UBA6: variants seen among roughly 807,000 people sequenced by gnomAD.
UBA6 encodes the protein ubiquitin like modifier activating enzyme 6, also known as ubiquitin-like modifier-activating enzyme 6.
UBA6 carries 87 observed loss-of-function variants against 148.3 expected under a neutral mutation model. The ratio of observed to expected loss-of-function variants is 0.59; its 90% CI spans 0.49 to 0.70. The LOEUF (loss-of-function observed/expected upper bound fraction) is 0.70. UBA6 is among the 30% of genes least tolerant of loss of function. The pLI, the probability that UBA6 is intolerant of heterozygous loss-of-function variation, is 0.00. For missense variants in UBA6, 1,186 were observed against 1,241.2 expected (o/e 0.96, Z 0.67); for synonymous variants, 376 against 401.0 (o/e 0.94, Z 0.75).
At chr4:67,648,297 T>C (rs978659156) in intron 14 of UBA6, among the ~76,000 whole-genome samples, 36 of 151,060 alleles carry the variant, frequency 2.4e-4, no homozygotes, top group Non-Finnish European at 4.4e-4. Context: ...TGAAATCCCA[T>C]CTCTACTAAA....
chr4:67,694,897 GCTA>G (rs1173621419), intron 2 of UBA6, among the ~76,000 whole-genome samples: 1 of 152,132 alleles, frequency 6.6e-6, no homozygotes, highest in Non-Finnish European at 1.5e-5. Flanking sequence ...CATACCAAGT[GCTA>G]ACAGCTACAC....
chr4:67,636,309 G>A (rs1345914850), intron 19 of UBA6, among the ~76,000 whole-genome samples: 2 of 152,170 alleles, frequency 1.3e-5, no homozygotes, highest in African/African-American at 4.8e-5. Flanking sequence ...ATCACCATAG[G>A]AGGATTTAAT....
intron 7 of UBA6, among the ~76,000 whole-genome samples, chr4:67,672,816 G>T (rs567198174): frequency 8.5e-5 from 13 of 152,078 alleles, no homozygotes; most frequent in African/African-American, 3.1e-4. Context: ...TCATTACTCG[G>T]AGCCCTACTC....
At chr4:67,632,804 A>C (rs1440882162) in intron 23 of UBA6, among the ~76,000 whole-genome samples, 1 of 152,144 alleles carries the variant, frequency 6.6e-6, no homozygotes, top group East Asian at 1.9e-4. Context: ...CCAGACTGGA[A>C]AACATAGGGA....
intron 13 of UBA6, among the ~76,000 whole-genome samples, chr4:67,661,136 A>T (rs1729841317): frequency 1.3e-5 from 2 of 152,172 alleles, no homozygotes; most frequent in Non-Finnish European, 2.9e-5. Context: ...TGCCTTGCTC[A>T]GATAAGACTT....
intron 1 of UBA6, among the ~76,000 whole-genome samples, chr4:67,700,833 G>A (rs1001385777): frequency 6.6e-6 from 1 of 152,148 alleles, no homozygotes. Context: ...TCAAAGGTGC[G>A]GAAAGGGGAC....
At chr4:67,676,406 T>C (rs550537208) in intron 6 of UBA6, among the ~76,000 whole-genome samples, 90 of 152,316 alleles carry the variant, frequency 5.9e-4, no homozygotes, top group African/African-American at 2.1e-3. Flanking sequence ...TCTAAACCTA[T>C]GTGACAGCAC....
chr4:67,663,172 A>C lies in UBA6; in HGVS notation c.1004T>G (p.Phe335Cys). ...IHTAMLALDQ[F>C]QEKYSRKPNV... ...TGGCTTGCGACTGTATTTCTCCTGAAACTGGTCCAAGGCAAGCATAGCTGT... is the reference window on the plus strand; with the variant it reads ...TGGCTTGCGACTGTATTTCTCCTGACACTGGTCCAAGGCAAGCATAGCTGT... Residue 335 changes from phenylalanine to cysteine, a missense_variant, in exon 12 of 33, where the codon TTT (phenylalanine) becomes TGT (cysteine). By Grantham distance (205) the Phe-to-Cys change is radical. Transcript: ENST00000322244. The C allele has an allele frequency of 6.2e-7, 1 of 1,611,436 alleles. No individual in the cohort carries two copies. The highest frequency in any genetic ancestry group is 8.5e-7 in the Non-Finnish European group (1 of 1,179,058).
intron 19 of UBA6, 103 bp downstream of exon 19, chr4:67,638,840 T>C (rs781343860): frequency 2.5e-6 from 2 of 814,406 alleles, no homozygotes; most frequent in Non-Finnish European, 3.9e-6. Context: ...AATAGGAACA[T>C]AAGGAATAAT....
intron 8 of UBA6, 151 bp downstream of exon 8, chr4:67,670,319 A>G: frequency 3.1e-6 from 2 of 642,144 alleles, no homozygotes; most frequent in Non-Finnish European, 5.3e-6. Context: ...CAATGCAGTC[A>G]AGAAATTAGC....
At chr4:67,656,346 T>C (rs755603007) in intron 13 of UBA6, among the ~76,000 whole-genome samples, 1 of 152,224 alleles carries the variant, frequency 6.6e-6, no homozygotes, top group Non-Finnish European at 1.5e-5. Flanking sequence ...TCAACTCGGC[T>C]TCAGCCCTGG....
At chr4:67,651,059 G>T (rs201054199) in intron 13 of UBA6, among the ~76,000 whole-genome samples, 2 of 152,030 alleles carry the variant, frequency 1.3e-5, no homozygotes, top group East Asian at 3.9e-4. Context: ...CCCTTATCCT[G>T]TCCAAAAAGT....
chr4:67,653,482 G>C (rs1169754704), intron 13 of UBA6, among the ~76,000 whole-genome samples: 2 of 152,150 alleles, frequency 1.3e-5, no homozygotes, highest in Non-Finnish European at 2.9e-5. Flanking sequence ...GAAAGGAATA[G>C]CATCAACATC....
chr4:67,647,416 T>C (rs1448068664), intron 14 of UBA6, among the ~76,000 whole-genome samples: 1 of 151,978 alleles, frequency 6.6e-6, no homozygotes, highest in Non-Finnish European at 1.5e-5. Context: ...AAAGTGCTGG[T>C]ATTACAGGCA....
chr4:67,631,943 C>G, intron 23 of UBA6, 35 bp from the exon 24 acceptor site: 6 of 1,575,500 alleles, frequency 3.8e-6, no homozygotes, highest in Non-Finnish European at 4.3e-6. Flanking sequence ...ACACCCACTA[C>G]TTAATATTAT....
At chr4:67,673,598 A>T in intron 7 of UBA6, 99 bp downstream of exon 7, 2 of 649,272 alleles carry the variant, frequency 3.1e-6, no homozygotes, top group Non-Finnish European at 5.3e-6. Flanking sequence ...ATTAATATGT[A>T]AAAAGTTTCT....
At chr4:67,621,939 C>A (rs1354304441) in intron 32 of UBA6, among the ~76,000 whole-genome samples, 1 of 152,082 alleles carries the variant, frequency 6.6e-6, no homozygotes, top group Non-Finnish European at 1.5e-5. Context: ...GGGCTGAGGA[C>A]AGGTTGCAGT....
chr4:67,687,389 T>A (rs904925445), intron 2 of UBA6, among the ~76,000 whole-genome samples: 2 of 152,148 alleles, frequency 1.3e-5, no homozygotes, highest in African/African-American at 2.4e-5. Flanking sequence ...TGAGAAACTG[T>A]GTAAAAGAAA....
intron 13 of UBA6, among the ~76,000 whole-genome samples, chr4:67,657,668 T>A (rs10006004): frequency 0.38 from 57,880 of 151,474 alleles, 11,157 homozygotes; most frequent in Middle Eastern, 0.51. Context: ...AAGCCAAAAT[T>A]GACAAATGGG....
Sources: allele counts gnomAD v4.1 joint callset (sites outside exome capture counted in the v4.1 genomes callset), GRCh38; gene constraint gnomAD v4.1.1; transcripts MANE v1.5; gene names NCBI Gene and HGNC (gene_info 2026-07-23, HGNC 2026-07-21).